The following ACOXL variants were observed in gnomAD, a reference collection of about 807,000 sequenced individuals.
The protein encoded by ACOXL is acyl-CoA oxidase like, also known as acyl-coenzyme A oxidase-like protein.
A neutral mutation model predicts 71.9 loss-of-function variants in ACOXL; 70 were observed. That is an observed-to-expected ratio of 0.97 (90% CI 0.80 to 1.19). The LOEUF is 1.19. Among genes scored for constraint, ACOXL ranks in the 50% most tolerant of loss-of-function variants. The probability of loss-of-function intolerance (pLI) is 0.00; values close to 1 mark genes in which losing one functional copy is unlikely to be tolerated. For synonymous variants in ACOXL, 253 were observed against 281.6 expected, an observed-to-expected ratio of 0.90 and a Z score of 1.02; for missense variants, 703 against 736.3, an observed-to-expected ratio of 0.95 and a Z score of 0.52.
intron 17 of ACOXL, among the ~76,000 whole-genome samples, chr2:111,102,386 G>C (rs1016451712): frequency 3.9e-5 from 6 of 152,172 alleles, no homozygotes; most frequent in Admixed American, 2.6e-4. Context: ...TGTGTATCTG[G>C]AGACTGAGCT....
chr2:111,108,558 T>C (rs553179402), intron 17 of ACOXL, among the ~76,000 whole-genome samples: 3 of 152,214 alleles, frequency 2.0e-5, no homozygotes, highest in East Asian at 3.9e-4. Flanking sequence ...TTTGTATTTT[T>C]AGTAGAGACA....
At chr2:110,866,968 G>A (rs546746109) in intron 10 of ACOXL, among the ~76,000 whole-genome samples, 7 of 152,340 alleles carry the variant, frequency 4.6e-5, no homozygotes, top group African/African-American at 9.6e-5. Context: ...TGGCCAGGGT[G>A]CAAGGGGCCA....
intron 12 of ACOXL, among the ~76,000 whole-genome samples, chr2:110,944,476 T>C: frequency 6.6e-6 from 1 of 152,184 alleles, no homozygotes; most frequent in East Asian, 1.9e-4. Flanking sequence ...TAGTCCTCAA[T>C]AGGTAGTTTT....
chr2:110,975,402 A>G (rs1025283045), intron 12 of ACOXL, among the ~76,000 whole-genome samples: 2 of 127,090 alleles, frequency 1.6e-5, no homozygotes, highest in African/African-American at 6.4e-5. Context: ...CCGTCTATGC[A>G]TATGTTTGTG....
At chr2:111,117,108 G>A (rs2070411130) in intron 17 of ACOXL, among the ~76,000 whole-genome samples, 1 of 152,242 alleles carries the variant, frequency 6.6e-6, no homozygotes, top group Non-Finnish European at 1.5e-5. Context: ...CAGGACCGAA[G>A]GCGCTAGTCT....
chr2:111,009,819 C>T (rs1217500160), intron 14 of ACOXL, among the ~76,000 whole-genome samples: 2 of 152,134 alleles, frequency 1.3e-5, no homozygotes, highest in African/African-American at 4.8e-5. Context: ...ATGTGGTAAA[C>T]TCATGCCTTA....
At chr2:111,089,465 T>C (rs1173698929) in intron 16 of ACOXL, among the ~76,000 whole-genome samples, 4 of 152,204 alleles carry the variant, frequency 2.6e-5, no homozygotes, top group Admixed American at 2.6e-4. Context: ...ATTCAGCTGA[T>C]GTAGACCTAT....
At chr2:110,972,337 C>G (rs1437574769) in intron 12 of ACOXL, among the ~76,000 whole-genome samples, 1 of 152,134 alleles carries the variant, frequency 6.6e-6, no homozygotes, top group East Asian at 1.9e-4. Context: ...AAGAGATCAC[C>G]ACAGACCTTA....
At chr2:110,830,275 C>A (rs898283501) in intron 9 of ACOXL, among the ~76,000 whole-genome samples, 1 of 152,142 alleles carries the variant, frequency 6.6e-6, no homozygotes, top group African/African-American at 2.4e-5. Context: ...ATTCAGACTT[C>A]TCTCTATGTA....
intron 16 of ACOXL, among the ~76,000 whole-genome samples, chr2:111,055,471 A>T (rs976113799): frequency 6.6e-6 from 1 of 152,238 alleles, no homozygotes; most frequent in Non-Finnish European, 1.5e-5. Flanking sequence ...GCAAACCATG[A>T]TGTCCTTCCT....
chr2:110,898,939 C>T (rs2059122769), intron 10 of ACOXL, among the ~76,000 whole-genome samples: 1 of 151,926 alleles, frequency 6.6e-6, no homozygotes, highest in African/African-American at 2.4e-5. Flanking sequence ...TTTGTATATA[C>T]CGGTGATGAA....
intron 9 of ACOXL, among the ~76,000 whole-genome samples, chr2:110,805,749 C>T (rs1335133124): frequency 1.3e-5 from 2 of 152,232 alleles, no homozygotes; most frequent in African/African-American, 4.8e-5. Context: ...CAAAGGTCGG[C>T]ATGTCTTGGC....
At chr2:110,741,525 A>G (rs1242661648) in intron 1 of ACOXL, among the ~76,000 whole-genome samples, 1 of 152,222 alleles carries the variant, frequency 6.6e-6, no homozygotes, top group African/African-American at 2.4e-5. Flanking sequence ...GTGACAGAGT[A>G]AGAACAAGAA....
chr2:111,038,077 A>G (rs1026095805), intron 15 of ACOXL, among the ~76,000 whole-genome samples: 1 of 152,234 alleles, frequency 6.6e-6, no homozygotes, highest in African/African-American at 2.4e-5. Context: ...GCCAACATTC[A>G]GTGAGGGCTC....
chr2:110,920,600 T>G (rs970399099), intron 11 of ACOXL, among the ~76,000 whole-genome samples: 3 of 152,174 alleles, frequency 2.0e-5, no homozygotes, highest in Non-Finnish European at 4.4e-5. Context: ...AGCTTTAAAT[T>G]TTGATTTGTC....
chr2:110,962,506 G>A (rs1008634403), intron 12 of ACOXL, among the ~76,000 whole-genome samples: 4 of 152,230 alleles, frequency 2.6e-5, no homozygotes, highest in African/African-American at 9.6e-5. Context: ...AGTCAGCATT[G>A]ATGGAGATGA....
At chr2:110,935,631 T>C (rs992621712) in intron 12 of ACOXL, among the ~76,000 whole-genome samples, 1 of 152,208 alleles carries the variant, frequency 6.6e-6, no homozygotes, top group Non-Finnish European at 1.5e-5. Context: ...CACAGAACTC[T>C]GCGCCCAGTA....
chr2:110,981,780 A>G (rs2062716682), intron 12 of ACOXL, among the ~76,000 whole-genome samples: 1 of 152,172 alleles, frequency 6.6e-6, no homozygotes, highest in Non-Finnish European at 1.5e-5. Flanking sequence ...CCCTCTGAGA[A>G]TAGTTGCGTG....
rs145256372 is a variant in ACOXL at position 110,893,672 on chromosome 2, A to C, written c.789-15117A>C. ...TATAGTTAATGACAAGAGGAATTGC[A>C]TACAACGGAATATTAGGTAAATAGA... On this transcript the variant is annotated intron_variant, in intron 10 of 17. Transcript: ENST00000439055. Among the ~76,000 whole-genome samples, 412 of 152,316 alleles carry C rather than the reference A, an allele frequency of 2.7e-3. 2 individuals carry two copies. Among genetic ancestry groups the C allele is most frequent in the African/African-American group, 9.5e-3 (395 of 41,584 alleles).
Sources: allele counts gnomAD v4.1 joint callset (sites outside exome capture counted in the v4.1 genomes callset), GRCh38; gene constraint gnomAD v4.1.1; transcripts MANE v1.5; gene names NCBI Gene and HGNC (gene_info 2026-07-23, HGNC 2026-07-21).